Variants in ZNF23 observed in about 807,000 individuals in gnomAD.
The protein encoded by ZNF23 is kruppel-like zinc finger factor X31.
Under a neutral mutation model 56.2 loss-of-function variants are expected in ZNF23, and 48 were observed. The ratio of observed to expected loss-of-function variants is 0.85; its 90% CI spans 0.68 to 1.09. The LOEUF (loss-of-function observed/expected upper bound fraction) is 1.09. Ranked by LOEUF, ZNF23 falls within the 50% of genes least tolerant of loss-of-function variation. ZNF23 has a pLI of 0.00. For synonymous variants in ZNF23, 266 were observed against 283.3 expected, an observed-to-expected ratio of 0.94 and a Z score of 0.61; for missense variants, 805 against 811.4, an observed-to-expected ratio of 0.99 and a Z score of 0.10.
rs140388285 is a variant in ZNF23, at chr16:71,449,218, C to G, written c.936G>C (p.Arg312Ser). The G allele has an allele frequency of 3.3e-4, 535 of 1,614,074 alleles. No homozygotes were observed. Among genetic ancestry groups the G allele is most frequent in the Non-Finnish European group, 3.5e-4 (409 of 1,179,980 alleles). ...TCTCTCCCGTATGGATTCTCTGATG[C>G]CTACTTAGGCTTCCATTAACACTGA... ...KAFSVNGSLSRHQRIHTGEKP... is the reference protein window; with the variant it reads ...KAFSVNGSLSSHQRIHTGEKP... The change falls in exon 5 of 5, where the codon AGG (arginine) becomes AGC (serine). Residue 312 changes from arginine (R) to serine (S), a missense_variant. By Grantham distance (110) the Arg-to-Ser change is moderately radical (BLOSUM62 -1). Transcript: ENST00000647773.
At position 71,448,478 on chromosome 16, in the gene ZNF23, T is replaced by A; in HGVS notation, c.1676A>T (p.Asn559Ile). 1.2e-6 allele frequency: 2 copies of A among 1,614,250 alleles called. No homozygotes were observed. The highest frequency in any genetic ancestry group is 1.7e-6 in the Non-Finnish European group (2 of 1,180,036). Residue 559 changes from asparagine to isoleucine, a missense_variant, in exon 5 of 5, where the codon AAT becomes ATT. Asn to Ile is a moderately radical substitution (Grantham distance 149). Coordinates refer to ENST00000647773, the MANE Select transcript of ZNF23 (RefSeq NM_001381984.1). ...CKECGKAFSI[N>I]AKLTRHQRIH... ...CCTCTGATGCCTAGTTAGTTTGGCA[T>A]TGATACTGAAGGCTTTCCCACATTC...
intron 1 of ZNF23, among the ~76,000 whole-genome samples, chr16:71,457,300 C>G (rs2043269764): frequency 6.6e-6 from 1 of 152,062 alleles, no homozygotes; most frequent in South Asian, 2.1e-4. Flanking sequence ...CGCGGTGGCT[C>G]AAGCCTGTAA....
chr16:71,448,731 T>G lies in ZNF23; in HGVS notation c.1423A>C (p.Asn475His). ...CNECGKAFRC[N>H]SQFRQHLRIH... The stretch of plus-strand genomic sequence containing the variant: ...CTCAGATGCTGCCGAAATTGGGAGT[T>G]ACATCTGAAGGCTTTCCCGCATTCA... Residue 475 changes from asparagine to histidine, a missense_variant, in exon 5 of 5, where the codon AAC becomes CAC. Physicochemically the swap from Asn to His is moderately conservative, Grantham distance 68 (BLOSUM62 1). Transcript: ENST00000647773. The G allele has an allele frequency of 1.2e-6, 2 of 1,614,238 alleles. No homozygotes were observed. Among genetic ancestry groups the G allele is most frequent in the Non-Finnish European group, 1.7e-6 (2 of 1,180,040 alleles).
At position 71,458,672 on chromosome 16, in the gene ZNF23, G is replaced by A. The variant is rs534112112; in HGVS notation, c.-32-1844C>T. 2.0e-5 allele frequency among the ~76,000 whole-genome samples: 3 copies of A among 152,286 alleles called. No individual in the cohort carries two copies. In the East Asian group the frequency reaches 5.8e-4, roughly 29 times the overall value. ...CTTTACAAGAAGAAGGAGAGACCCA[G>A]AGCCCACGAAACCACTCACTCCCCG... is the stretch of plus-strand genomic sequence containing the variant. On this transcript the variant is annotated intron_variant, in intron 1 of 4. Coordinates refer to ENST00000647773, the MANE Select transcript of ZNF23 (RefSeq NM_001381984.1).
chr16:71,451,173 C>A (rs1596996558), intron 4 of ZNF23: 2 of 152,422 alleles, frequency 1.3e-5, no homozygotes, highest in South Asian at 2.1e-4. Flanking sequence ...TTTTTATAAT[C>A]CCAATAGTCT....
intron 1 of ZNF23, among the ~76,000 whole-genome samples, chr16:71,459,334 C>T (rs2043355586): frequency 6.6e-6 from 1 of 152,256 alleles, no homozygotes. Flanking sequence ...GACTCCAAGG[C>T]TCCTCAAACG....
chr16:71,453,861 T>C (rs2043135346), intron 3 of ZNF23, 181 bp downstream of exon 3: 2 of 696,420 alleles, frequency 2.9e-6, no homozygotes, highest in South Asian at 3.6e-5. Flanking sequence ...AAGTCCTATA[T>C]AGGCCTACAA....
At chr16:71,456,640 T>C (rs968127213) in intron 2 of ZNF23, 124 bp downstream of exon 2, 86 of 964,108 alleles carry the variant, frequency 8.9e-5, no homozygotes, top group Non-Finnish European at 9.9e-5. Flanking sequence ...ACAACACCTC[T>C]TTCCCACAAG....
In ZNF23 at chr16:71,448,658, G is replaced by A. The variant is rs1446678976; in HGVS notation, c.1496C>T (p.Ala499Val). ...KPYECNECGKAFSVNGKLMRH... is the reference protein window; with the variant it reads ...KPYECNECGKVFSVNGKLMRH... ...CATTAGTTTCCCATTAACGCTGAAG[G>A]CCTTTCCACACTCATTACACTCATA... Residue 499 changes from alanine to valine, a missense_variant, in exon 5 of 5, where the codon GCC becomes GTC. Physicochemically the swap from Ala to Val is moderately conservative, Grantham distance 64. Coordinates refer to ENST00000647773, the MANE Select transcript of ZNF23 (RefSeq NM_001381984.1). The A allele has an allele frequency of 1.2e-6, 2 of 1,613,734 alleles. No individual in the cohort carries two copies. Among genetic ancestry groups the A allele is most frequent in the African/African-American group, 1.3e-5 (1 of 74,808 alleles).
intron 4 of ZNF23, chr16:71,450,087 C>A: frequency 7.1e-6 from 3 of 419,750 alleles, no homozygotes; most frequent in South Asian, 6.8e-5. Flanking sequence ...TATATGCTGA[C>A]GTAAAAAGAC....
At position 71,447,980 on chromosome 16, in the gene ZNF23, T is replaced by C. The variant is rs1292888728; in HGVS notation, c.*113A>G. ...CTGAATAGAATAAAAACTGTTTCCA[T>C]ATGAAGACTCTGCCATATTCATGCC... On this transcript the variant is annotated 3_prime_UTR_variant, in exon 5 of 5. Transcript: ENST00000647773. 1 of 773,012 alleles carries C rather than the reference T, an allele frequency of 1.3e-6. No homozygotes were observed. The highest frequency in any genetic ancestry group is 2.0e-6 in the Non-Finnish European group (1 of 506,088). 47.9% of individuals were successfully genotyped at this position (773,012 alleles called of 1,614,324 possible).
chr16:71,456,203 T>C (rs2043226866), intron 2 of ZNF23: 10 of 372,758 alleles, frequency 2.7e-5, no homozygotes, highest in South Asian at 2.0e-4. Flanking sequence ...CAGGACAGGG[T>C]GGAAAGCTCT....
In ZNF23 at chr16:71,449,788, G is replaced by C; in HGVS notation, c.366C>G (p.Asp122Glu). 6.2e-7 allele frequency: 1 copy of C among 1,614,048 alleles called. No homozygotes were observed. Among genetic ancestry groups the C allele is most frequent in the Non-Finnish European group, 8.5e-7 (1 of 1,180,020 alleles). ...TCTCTAGAAGAGAGGCTTCTGAAAA[G>C]TCTGTTTCCTGGGAAAAGTCTCTTT... The part of the protein sequence containing the change: ...ELQRDFSQET[D>E]FSEASLLEKQ... The change falls in exon 5 of 5, where the codon GAC (aspartate) becomes GAG (glutamate). Residue 122 changes from aspartate (D) to glutamate (E), a missense_variant. Coordinates refer to ENST00000647773, the MANE Select transcript of ZNF23 (RefSeq NM_001381984.1).
Position 71,450,180 on chromosome 16 carries a change from AAGAC to A in ZNF23, c.269-299_269-296del, listed in dbSNP as rs143781918. 871 of 231,536 alleles carry A rather than the reference AAGAC, an allele frequency of 3.8e-3. 10 individuals carry two copies. The highest frequency in any genetic ancestry group is 0.019 in the African/African-American group (831 of 43,954). 14.3% of individuals were successfully genotyped at this position (231,536 alleles called of 1,614,324 possible). Reference sequence around the variant, plus strand: ...TTCAGCTGTGTAAAGAAAAATATAAAAGACAGATATATATATTTGTACATACCTA... The same window carrying A: ...TTCAGCTGTGTAAAGAAAAATATAAAAGATATATATATTTGTACATACCTA... On this transcript the variant is annotated intron_variant, in intron 4 of 4. Coordinates refer to ENST00000647773, the MANE Select transcript of ZNF23 (RefSeq NM_001381984.1).
Position 71,456,821 on chromosome 16 carries a change from G to T in ZNF23, c.-25C>A. 1.0e-6 allele frequency: 1 copy of T among 984,120 alleles called. No homozygotes were observed. Among genetic ancestry groups the T allele is most frequent in the Non-Finnish European group, 1.2e-6 (1 of 828,358 alleles). The allele number at this position is 984,120 out of a possible 1,614,324, so 61.0% of individuals were successfully genotyped here. A position where few individuals can be genotyped will look rare whatever the true frequency, so the allele number is the denominator to read the frequency against. On this transcript the variant is annotated 5_prime_UTR_variant, in exon 2 of 5. Coordinates refer to ENST00000647773, the MANE Select transcript of ZNF23 (RefSeq NM_001381984.1). ...TCCCCTGGTCCCCGTCTCAGAGAAG[G>T]GCTGGAGCTAAGGAGAAACACAAAG... is the stretch of plus-strand genomic sequence containing the variant.
chr16:71,449,947 T>C, intron 4 of ZNF23, 62 bp from the exon 5 acceptor site: 4 of 1,377,084 alleles, frequency 2.9e-6, no homozygotes, highest in Non-Finnish European at 3.9e-6. Context: ...AGAAGAGAAC[T>C]GTGCTATAAA....
intron 4 of ZNF23, chr16:71,450,840 C>T: frequency 4.1e-6 from 1 of 245,754 alleles, no homozygotes; most frequent in Non-Finnish European, 8.4e-6. Context: ...GTTCCTATAG[C>T]ACTCAGTTCC....
In ZNF23 at chr16:71,456,870, C is replaced by T. The variant is rs754042862; in HGVS notation, c.-32-42G>A. 4.6e-6 allele frequency: 4 copies of T among 861,672 alleles called. No homozygotes were observed. The African/African-American group carries it at 7.3e-5, about 16-fold the overall frequency. The allele number at this position is 861,672 out of a possible 1,614,324, so 53.4% of individuals were successfully genotyped here. On this transcript the variant is annotated intron_variant, in intron 1 of 4. Coordinates refer to ENST00000647773, the MANE Select transcript of ZNF23 (RefSeq NM_001381984.1). ...AGAGAGACAAGTGTGAGGCAAGCCACCCCAACCAGAGCAACATAGCCCCTC... is the reference window on the plus strand; with the variant it reads ...AGAGAGACAAGTGTGAGGCAAGCCATCCCAACCAGAGCAACATAGCCCCTC...
At position 71,448,944 on chromosome 16, in the gene ZNF23, C is replaced by T; in HGVS notation, c.1210G>A (p.Glu404Lys). Residue 404 changes from glutamate to lysine, a missense_variant, in exon 5 of 5, where the codon GAA (glutamate) becomes AAA (lysine). Glu to Lys is a moderately conservative substitution (Grantham distance 56). Coordinates refer to ENST00000647773, the MANE Select transcript of ZNF23 (RefSeq NM_001381984.1). ...LRQHQSIHTG[E>K]KPYQCKECGK... The stretch of plus-strand genomic sequence containing the variant: ...CACTCTTTACACTGATAGGGCTTTT[C>T]TCCTGTGTGGATGCTCTGATGCTGC... The T allele has an allele frequency of 1.2e-6, 2 of 1,614,222 alleles. No individual in the cohort carries two copies. Among genetic ancestry groups the T allele is most frequent in the South Asian group, 1.1e-5 (1 of 91,088 alleles).
Sources: allele counts gnomAD v4.1 joint callset (sites outside exome capture counted in the v4.1 genomes callset), GRCh38; gene constraint gnomAD v4.1.1; transcripts MANE v1.5; gene names NCBI Gene and HGNC (gene_info 2026-07-23, HGNC 2026-07-21).